The following EXD2 variants were observed in gnomAD, a reference collection of about 807,000 sequenced individuals.
The protein encoded by EXD2 is exonuclease 3'-5' domain-containing protein 2.
Under a neutral mutation model 62.5 loss-of-function variants are expected in EXD2, and 40 were observed. The ratio of observed to expected loss-of-function variants is 0.64; its 90% CI spans 0.50 to 0.83. The LOEUF is 0.83. EXD2 is among the 40% of genes least tolerant of loss of function. The pLI is 0.00. For synonymous variants in EXD2, 239 were observed against 291.9 expected, an observed-to-expected ratio of 0.82 and a Z score of 1.85; for missense variants, 671 against 761.8, an observed-to-expected ratio of 0.88 and a Z score of 1.40.
At chr14:69,233,331 T>C (rs2043650963) in intron 5 of EXD2, among the ~76,000 whole-genome samples, 1 of 152,138 alleles carries the variant, frequency 6.6e-6, no homozygotes, top group African/African-American at 2.4e-5. Context: ...AAAGGTGAAA[T>C]AATAGAATTT....
chr14:69,217,470 G>T (rs1354617123), intron 3 of EXD2, among the ~76,000 whole-genome samples: 1 of 152,182 alleles, frequency 6.6e-6, no homozygotes, highest in East Asian at 1.9e-4. Context: ...TGTCACAAAT[G>T]ACAAGATTTC....
chr14:69,227,550 A>C (rs1344434493), intron 3 of EXD2, among the ~76,000 whole-genome samples: 1 of 152,214 alleles, frequency 6.6e-6, no homozygotes, highest in Non-Finnish European at 1.5e-5. Flanking sequence ...CTATGACCCC[A>C]AAAAGATTAA....
rs1205923099 is a variant in EXD2, at chr14:69,237,635, C to G, written c.1353C>G (p.Asn451Lys). Residue 451 changes from asparagine to lysine, a missense_variant, in exon 9 of 10, where the codon AAC (asparagine) becomes AAG (lysine). Transcript: ENST00000685843. ...TCCCCATCGAGATGAAGGACCACAA[C>G]TCCCACGATGTGCTGCTGCTCTGCA... The part of the protein sequence containing the change: ...KHFPIEMKDH[N>K]SHDVLLLCTS... 1 of 1,614,268 alleles carries G rather than the reference C, an allele frequency of 6.2e-7. No homozygotes were observed. The highest frequency in any genetic ancestry group is 1.1e-5 in the South Asian group (1 of 91,088).
chr14:69,238,692 T>C (rs902933920), intron 9 of EXD2, among the ~76,000 whole-genome samples: 1 of 151,816 alleles, frequency 6.6e-6, no homozygotes, highest in Non-Finnish European at 1.5e-5. Flanking sequence ...TGGAGTGCAG[T>C]GGCACTATCT....
chr14:69,218,174 CT>C (rs1297162583), intron 3 of EXD2, among the ~76,000 whole-genome samples: 1 of 152,220 alleles, frequency 6.6e-6, no homozygotes, highest in Admixed American at 6.5e-5. Flanking sequence ...GTTCCTATTT[CT>C]CCACATCCTC....
At chr14:69,197,369 T>C (rs2042242177) in intron 1 of EXD2, among the ~76,000 whole-genome samples, 1 of 152,192 alleles carries the variant, frequency 6.6e-6, no homozygotes, top group Non-Finnish European at 1.5e-5. Context: ...TTTGTAAATA[T>C]TTTTTCCCAT....
intron 3 of EXD2, among the ~76,000 whole-genome samples, chr14:69,215,780 C>T (rs2042969306): frequency 6.7e-6 from 1 of 148,480 alleles, no homozygotes; most frequent in Admixed American, 6.7e-5. Flanking sequence ...TAGATATCCT[C>T]TTTTATGCAG....
intron 3 of EXD2, among the ~76,000 whole-genome samples, chr14:69,213,537 A>ATTTTTT (rs746653694): frequency 0.046 from 3,525 of 76,432 alleles, 359 homozygotes; most frequent in South Asian, 0.2. Flanking sequence ...CACCTGGATA[A>ATTTTTT]TTTTTTTTTT....
chr14:69,216,341 C>T (rs2042987648), intron 3 of EXD2, among the ~76,000 whole-genome samples: 1 of 152,176 alleles, frequency 6.6e-6, no homozygotes, highest in South Asian at 2.1e-4. Flanking sequence ...TTCTTATTTA[C>T]CATTGCTTTA....
At chr14:69,235,890 A>G in intron 6 of EXD2, 156 bp from the exon 7 acceptor site, 1 of 709,132 alleles carries the variant, frequency 1.4e-6, no homozygotes, top group Non-Finnish European at 2.6e-6. Flanking sequence ...GGTGAGGATT[A>G]AACATGGTTT....
chr14:69,205,924 T>C (rs1398829053), intron 2 of EXD2, among the ~76,000 whole-genome samples: 1 of 152,034 alleles, frequency 6.6e-6, no homozygotes, highest in Non-Finnish European at 1.5e-5. Flanking sequence ...TAATTTATTT[T>C]TTATTTTTAT....
chr14:69,236,215 G>A, intron 7 of EXD2, 63 bp downstream of exon 7: 1 of 1,529,798 alleles, frequency 6.5e-7, no homozygotes, highest in South Asian at 1.1e-5. Context: ...GCAGGAGTGG[G>A]GAGTGAGATA....
At chr14:69,207,929 A>G (rs2042663121) in intron 2 of EXD2, among the ~76,000 whole-genome samples, 1 of 145,232 alleles carries the variant, frequency 6.9e-6, no homozygotes, top group Admixed American at 6.9e-5. Flanking sequence ...ACAGAGTCTT[A>G]CTCTTATCAC....
rs748280203 is a variant in EXD2, at chr14:69,234,816, A to G, written c.834A>G (p.Arg278=). 1.2e-6 allele frequency: 2 copies of G among 1,614,048 alleles called. No homozygotes were observed. Among genetic ancestry groups the G allele is most frequent in the African/African-American group, 2.7e-5 (2 of 74,906 alleles). ...AAAACGATGACCACAGTAGCTGGAG[A>G]AAAGTCTTGGAAAAATGCCAGGGTG... is the stretch of plus-strand genomic sequence containing the variant. ...GEKNDDHSSW[R]KVLEKCQGVV... is the part of the protein sequence containing the mutation. The change falls in exon 6 of 10, where the codon AGA becomes AGG. Residue 278 remains arginine, a synonymous_variant. Transcript: ENST00000685843.
chr14:69,212,460 C>T (rs1310692098), intron 3 of EXD2, among the ~76,000 whole-genome samples: 1 of 151,780 alleles, frequency 6.6e-6, no homozygotes, highest in Non-Finnish European at 1.5e-5. Context: ...TTTTGCTTTC[C>T]TTTTCATTCA....
At chr14:69,216,570 G>A (rs977796580) in intron 3 of EXD2, among the ~76,000 whole-genome samples, 9 of 152,040 alleles carry the variant, frequency 5.9e-5, no homozygotes, top group African/African-American at 2.2e-4. Flanking sequence ...TGGGACAATA[G>A]GTGCCTGCTA....
intron 1 of EXD2, among the ~76,000 whole-genome samples, chr14:69,196,714 C>T (rs1359035823): frequency 2.0e-5 from 3 of 151,526 alleles, no homozygotes; most frequent in Non-Finnish European, 4.4e-5. Context: ...GCCTCAAACT[C>T]CTGAACTCAA....
At position 69,243,569 on chromosome 14, in the gene EXD2, AT is replaced by A. The variant is rs1250546260; in HGVS notation, c.*2473del. ...CTTATCCATCCCCACACTGTTGAAA[AT>A]TTTGGTTGTTTCAGATACTTTTATT... On this transcript the variant is annotated 3_prime_UTR_variant, in exon 10 of 10. Transcript: ENST00000685843. 3.3e-5 allele frequency: 5 copies of A among 152,130 alleles called. No individual in the cohort carries two copies. The highest frequency in any genetic ancestry group is 5.9e-5 in the Non-Finnish European group (4 of 68,022). 9.4% of individuals were successfully genotyped at this position (152,130 alleles called of 1,614,324 possible).
chr14:69,209,422 A>G lies in EXD2; in HGVS notation c.-47-2A>G. 1 of 1,405,142 alleles carries G rather than the reference A, an allele frequency of 7.1e-7. No individual in the cohort carries two copies. 87.0% of individuals were successfully genotyped at this position (1,405,142 alleles called of 1,614,324 possible). On this transcript the variant is annotated splice_acceptor_variant, in intron 2 of 9. Coordinates refer to ENST00000685843, the MANE Select transcript of EXD2 (RefSeq NM_001193360.2). LOFTEE classifies it low-confidence loss of function (5UTR_SPLICE). ...AATATATTTTTGCCATTTGTTTTGC[A>G]GATTGTGGGATTAGTGATATGCTTT...
Sources: gnomAD v4.1 joint callset for allele counts (sites outside exome capture counted in the v4.1 genomes callset) on GRCh38, gnomAD v4.1.1 for gene constraint, MANE v1.5 for transcripts, NCBI Gene and HGNC (gene_info 2026-07-23, HGNC 2026-07-21) for gene names.